DMXL2: variants seen among roughly 807,000 people sequenced by gnomAD.
DMXL2 encodes Dmx like 2.
Under a neutral mutation model 331.1 loss-of-function variants are expected in DMXL2, and 103 were observed. The observed-to-expected ratio is 0.31, with a 90% CI of 0.27 to 0.37. The LOEUF (loss-of-function observed/expected upper bound fraction) is 0.37, where lower values mean the gene tolerates loss of function less well. Ranked by LOEUF, DMXL2 falls within the 10% of genes least tolerant of loss-of-function variation. DMXL2 has a pLI of 1.00. For synonymous variants in DMXL2, 1,281 were observed against 1,252.1 expected (o/e 1.02, Z -0.49); for missense variants, 3,171 against 3,642.9 (o/e 0.87, Z 3.33).
chr15:51,592,730 C>T (rs1451019410), intron 1 of DMXL2, among the ~76,000 whole-genome samples: 1 of 152,224 alleles, frequency 6.6e-6, no homozygotes, highest in Non-Finnish European at 1.5e-5. Context: ...ATAAACTCTA[C>T]AAGAGCCAGA....
chr15:51,505,182 G>A (rs747136214), intron 16 of DMXL2, among the ~76,000 whole-genome samples: 18 of 152,152 alleles, frequency 1.2e-4, no homozygotes, highest in African/African-American at 2.9e-4. Flanking sequence ...AAATTCAAGC[G>A]TTAAATGTGA....
At chr15:51,518,505 T>A (rs1429775752) in intron 13 of DMXL2, among the ~76,000 whole-genome samples, 1 of 152,176 alleles carries the variant, frequency 6.6e-6, no homozygotes, top group East Asian at 1.9e-4. Context: ...GGAAGCTTTT[T>A]ATGAATGCAT....
intron 37 of DMXL2, among the ~76,000 whole-genome samples, chr15:51,456,864 G>A (rs2039667548): frequency 6.6e-6 from 1 of 152,138 alleles, no homozygotes; most frequent in East Asian, 1.9e-4. Flanking sequence ...GAAAAAGCAT[G>A]TATCTGACAC....
chr15:51,514,687 T>C, intron 14 of DMXL2, 128 bp from the exon 15 acceptor site: 1 of 620,106 alleles, frequency 1.6e-6, no homozygotes, highest in Non-Finnish European at 2.8e-6. Flanking sequence ...TTACCACTAC[T>C]AATTAGAAAG....
chr15:51,548,003 G>T (rs574768629), intron 6 of DMXL2, among the ~76,000 whole-genome samples: 1 of 152,162 alleles, frequency 6.6e-6, no homozygotes, highest in South Asian at 2.1e-4. Context: ...ACAGTTCTCC[G>T]ATCCCTACTC....
intron 22 of DMXL2, 23 bp from the exon 23 acceptor site, chr15:51,486,360 T>A (rs1567015853): frequency 6.8e-7 from 1 of 1,465,974 alleles, no homozygotes. Context: ...ATATTAATAC[T>A]TATCTTACTT....
chr15:51,507,082 TATAAA>T, intron 16 of DMXL2, 47 bp downstream of exon 16: 2 of 1,376,466 alleles, frequency 1.5e-6, no homozygotes, highest in East Asian at 2.6e-5. Context: ...AAGCATATTC[TATAAA>T]ATAAATTTGT....
intron 29 of DMXL2, among the ~76,000 whole-genome samples, chr15:51,470,609 A>T (rs2041012939): frequency 6.6e-6 from 1 of 152,222 alleles, no homozygotes; most frequent in Non-Finnish European, 1.5e-5. Context: ...ATGTGTATGC[A>T]CAGCAAGGTA....
At chr15:51,477,507 T>C (rs539510099) in intron 26 of DMXL2, among the ~76,000 whole-genome samples, 2 of 152,102 alleles carry the variant, frequency 1.3e-5, no homozygotes, top group East Asian at 3.9e-4. Context: ...TAAGTTACAA[T>C]CAGAGTACAG....
At chr15:51,594,444 T>C (rs2052634240) in intron 1 of DMXL2, among the ~76,000 whole-genome samples, 1 of 151,942 alleles carries the variant, frequency 6.6e-6, no homozygotes, top group South Asian at 2.1e-4. Context: ...ACCAAAAAAA[T>C]CCAGGACCAG....
chr15:51,540,847 G>A (rs2140906410), intron 9 of DMXL2, among the ~76,000 whole-genome samples: 1 of 152,192 alleles, frequency 6.6e-6, no homozygotes, highest in South Asian at 2.1e-4. Context: ...AAAGAAGATG[G>A]GGAAGACCAA....
chr15:51,582,728 T>C lies in DMXL2; in HGVS notation c.88-6547A>G, dbSNP rs191089304. Among the ~76,000 whole-genome samples the C allele has an allele frequency of 1.9e-4, 29 of 152,290 alleles. 2 individuals carry two copies. The East Asian group carries it at 4.2e-3, about 22-fold the overall frequency. On this transcript the variant is annotated intron_variant, in intron 1 of 43. Coordinates refer to ENST00000560891, the MANE Select transcript of DMXL2 (RefSeq NM_001378457.1). The stretch of plus-strand genomic sequence containing the variant: ...TAAGCAAGAAATTTCACAAGTCACA[T>C]ATACATTGAAATCATGTACAAGGTA...
intron 8 of DMXL2, 77 bp downstream of exon 8, chr15:51,545,506 C>T (rs1399371106): frequency 7.7e-7 from 1 of 1,296,724 alleles, no homozygotes; most frequent in Non-Finnish European, 1.1e-6. Flanking sequence ...TGTGTGCCAT[C>T]TGCATGTTAG....
At chr15:51,534,114 C>A (rs2048154037) in intron 13 of DMXL2, among the ~76,000 whole-genome samples, 1 of 152,130 alleles carries the variant, frequency 6.6e-6, no homozygotes, top group Admixed American at 6.6e-5. Context: ...GGGATATTGA[C>A]AGTCAGCTCA....
intron 1 of DMXL2, among the ~76,000 whole-genome samples, chr15:51,587,761 T>C (rs2051967177): frequency 6.6e-6 from 1 of 152,216 alleles, no homozygotes; most frequent in Non-Finnish European, 1.5e-5. Context: ...TCCACAATGG[T>C]TGAACCAGTT....
At chr15:51,610,951 G>A (rs1289846021) in intron 1 of DMXL2, among the ~76,000 whole-genome samples, 1 of 152,034 alleles carries the variant, frequency 6.6e-6, no homozygotes, top group East Asian at 1.9e-4. Flanking sequence ...ATGAGTGCAT[G>A]GTTTTAAAAA....
At chr15:51,520,214 T>C (rs1396616992) in intron 13 of DMXL2, among the ~76,000 whole-genome samples, 1 of 152,182 alleles carries the variant, frequency 6.6e-6, no homozygotes, top group East Asian at 1.9e-4. Flanking sequence ...CTTTCATGTC[T>C]TACCCATTCA....
chr15:51,563,339 C>A (rs368648922), intron 6 of DMXL2, 42 bp downstream of exon 6: 32 of 1,441,846 alleles, frequency 2.2e-5, no homozygotes, highest in South Asian at 6.2e-5. Context: ...ATTTTAAATT[C>A]TTTTATTTGT....
At chr15:51,593,491 C>T (rs1271858935) in intron 1 of DMXL2, among the ~76,000 whole-genome samples, 2 of 152,158 alleles carry the variant, frequency 1.3e-5, no homozygotes. Context: ...CCACTGTCAA[C>T]ATTAGACAGA....
Sources: allele counts gnomAD v4.1 joint callset (sites outside exome capture counted in the v4.1 genomes callset), GRCh38; gene constraint gnomAD v4.1.1; transcripts MANE v1.5; gene names NCBI Gene and HGNC (gene_info 2026-07-23, HGNC 2026-07-21).